Variants in MGRN1 observed in about 807,000 individuals in gnomAD.
MGRN1 encodes the protein mahogunin ring finger 1, also known as E3 ubiquitin-protein ligase MGRN1.
In MGRN1, 29 loss-of-function variants were observed where a neutral mutation model predicts 69.2. The observed-to-expected ratio is 0.42, with a 90% CI of 0.31 to 0.57. The LOEUF is 0.57. MGRN1 is among the 20% of genes least tolerant of loss of function. The pLI, the probability that MGRN1 is intolerant of heterozygous loss-of-function variation, is 0.15. For synonymous variants in MGRN1, 470 were observed against 344.2 expected, an observed-to-expected ratio of 1.37 and a Z score of -4.04; for missense variants, 998 against 796.2, an observed-to-expected ratio of 1.25 and a Z score of -3.05.
At chr16:4,675,405 C>T (rs1018106750) in intron 10 of MGRN1, among the ~76,000 whole-genome samples, 11 of 152,092 alleles carry the variant, frequency 7.2e-5, no homozygotes, top group Non-Finnish European at 1.6e-4. Flanking sequence ...ATGGCCAGCT[C>T]AGATCTTTAT....
rs141515748 is a variant in MGRN1, at chr16:4,683,946, G to T, written c.1618+14G>T. The T allele has an allele frequency of 6.4e-7, 1 of 1,559,462 alleles. No individual in the cohort carries two copies. ...TCTACCTGCCAGGTAAGGGGCTGGG[G>T]GTCTGGGGGTGAGGGGCTGGGTGCC... On this transcript the variant is annotated intron_variant, in intron 16 of 16. Coordinates refer to ENST00000262370, the MANE Select transcript of MGRN1 (RefSeq NM_015246.4).
At chr16:4,641,334 G>A (rs2078151971) in intron 1 of MGRN1, among the ~76,000 whole-genome samples, 1 of 151,334 alleles carries the variant, frequency 6.6e-6, no homozygotes, top group African/African-American at 2.5e-5. Flanking sequence ...CCATGTGTGA[G>A]CAATAGGATT....
intron 9 of MGRN1, chr16:4,672,520 A>G (rs1427485435): frequency 4.4e-6 from 2 of 452,358 alleles, no homozygotes; most frequent in Non-Finnish European, 8.9e-6. Context: ...CAGGGAAGTC[A>G]GTGCATTCAT....
At chr16:4,643,266 T>G (rs1245301799) in intron 1 of MGRN1, among the ~76,000 whole-genome samples, 1 of 152,038 alleles carries the variant, frequency 6.6e-6, no homozygotes, top group African/African-American at 2.4e-5. Flanking sequence ...GGACTAATTT[T>G]TGTATTTTTG....
intron 11 of MGRN1, among the ~76,000 whole-genome samples, chr16:4,679,134 CGCT>C (rs1422639492): frequency 2.0e-5 from 3 of 152,200 alleles, no homozygotes; most frequent in African/African-American, 7.2e-5. Context: ...GATTCGGAAA[CGCT>C]GCGTGTGCTC....
chr16:4,685,039 G>A (rs1348658372), intron 16 of MGRN1, among the ~76,000 whole-genome samples: 3 of 152,236 alleles, frequency 2.0e-5, no homozygotes, highest in Admixed American at 6.5e-5. Flanking sequence ...GTGACAGGTC[G>A]CAGGTGCAGG....
At position 4,642,917 on chromosome 16, in the gene MGRN1, C is replaced by T. The variant is rs1173264322; in HGVS notation, c.89-7448C>T. On this transcript the variant is annotated intron_variant, in intron 1 of 16. Coordinates refer to ENST00000262370, the MANE Select transcript of MGRN1 (RefSeq NM_015246.4). ...TCCTTCCACCTCAGCCTCCCGAGTA[C>T]CTTGGACTGCAAGTACGCATCACCG... Among the ~76,000 whole-genome samples, 3 of 151,740 alleles carry T rather than the reference C, an allele frequency of 2.0e-5. No individual in the cohort carries two copies. In the East Asian group the frequency reaches 5.8e-4, roughly 29 times the overall value.
At chr16:4,647,231 C>T (rs538593442) in intron 1 of MGRN1, among the ~76,000 whole-genome samples, 6 of 152,300 alleles carry the variant, frequency 3.9e-5, no homozygotes, top group South Asian at 4.1e-4. Context: ...GGCTCTGGGC[C>T]GGGCCCTGTC....
At chr16:4,634,340 T>G (rs1400477477) in intron 1 of MGRN1, 1 of 152,556 alleles carries the variant, frequency 6.6e-6, no homozygotes, top group Non-Finnish European at 1.5e-5. Context: ...TGGAAAATGT[T>G]CTGTATTTCC....
At chr16:4,629,813 AGGT>A in intron 1 of MGRN1, among the ~76,000 whole-genome samples, 1 of 151,458 alleles carries the variant, frequency 6.6e-6, no homozygotes, top group Non-Finnish European at 1.5e-5. Context: ...TGGGAGGCTG[AGGT>A]GGGCGGATCA....
Position 4,651,953 on chromosome 16 carries a change from T to G in MGRN1, c.208-10T>G. 6.2e-7 allele frequency: 1 copy of G among 1,613,792 alleles called. No homozygotes were observed. The highest frequency in any genetic ancestry group is 1.1e-5 in the South Asian group (1 of 91,078). ...GGGAGTCACCTGGGGCCCTGTGGTT[T>G]TTCTCCTAGTTTCCCTACGTCACTC... On this transcript the variant is annotated splice_polypyrimidine_tract_variant and intron_variant, in intron 2 of 16. Coordinates refer to ENST00000262370, the MANE Select transcript of MGRN1 (RefSeq NM_015246.4).
chr16:4,668,145 T>C, intron 7 of MGRN1, 120 bp from the exon 8 acceptor site: 1 of 677,006 alleles, frequency 1.5e-6, no homozygotes, highest in Non-Finnish European at 2.4e-6. Flanking sequence ...TTTTCTTTTT[T>C]CTTTTTCCAG....
At chr16:4,674,591 C>CTT (rs1293498329) in intron 10 of MGRN1, among the ~76,000 whole-genome samples, 1 of 84,226 alleles carries the variant, frequency 1.2e-5, no homozygotes, top group Non-Finnish European at 2.5e-5. Flanking sequence ...TTTTTTTTTT[C>CTT]TTTTCTTTTC....
chr16:4,687,511 T>TAA, intron 16 of MGRN1: 8 of 917,796 alleles, frequency 8.7e-6, no homozygotes, highest in Non-Finnish European at 9.0e-6. Context: ...GCTGTCTCAA[T>TAA]AAAAAAAAAT....
chr16:4,681,127 A>ACAGCT (rs1485521507), intron 12 of MGRN1, among the ~76,000 whole-genome samples: 1 of 152,148 alleles, frequency 6.6e-6, no homozygotes, highest in Non-Finnish European at 1.5e-5. Context: ...ACAGCTCCCA[A>ACAGCT]CAGCTCAGCT....
chr16:4,636,455 G>T (rs1898296714), intron 1 of MGRN1, among the ~76,000 whole-genome samples: 1 of 152,162 alleles, frequency 6.6e-6, no homozygotes, highest in Non-Finnish European at 1.5e-5. Context: ...CGGGCTCCGG[G>T]GGAGCTGGGG....
At chr16:4,668,879 CAT>C (rs2078873825) in intron 8 of MGRN1, among the ~76,000 whole-genome samples, 1 of 152,122 alleles carries the variant, frequency 6.6e-6, no homozygotes, top group Non-Finnish European at 1.5e-5. Flanking sequence ...TACTCATACA[CAT>C]ATACATAGAC....
At chr16:4,625,243 C>A (rs1355212844) in intron 1 of MGRN1, among the ~76,000 whole-genome samples, 195 bp downstream of exon 1, 2 of 152,190 alleles carry the variant, frequency 1.3e-5, no homozygotes, top group Non-Finnish European at 2.9e-5. Context: ...CTGCCCGAGC[C>A]GTACCTGGCG....
In MGRN1 at chr16:4,689,749, C is replaced by T. The variant is rs967784030; in HGVS notation, c.*841C>T. On this transcript the variant is annotated 3_prime_UTR_variant, in exon 17 of 17. Transcript: ENST00000262370. ...CATTCTCTTTTGCCATTGGAATGTC[C>T]CCTTGCAGTTCTCTTCTCTTTTTTT... 6.6e-6 allele frequency: 1 copy of T among 151,474 alleles called. No homozygotes were observed. Among genetic ancestry groups the T allele is most frequent in the Non-Finnish European group, 1.5e-5 (1 of 67,974 alleles). 9.4% of individuals were successfully genotyped at this position (151,474 alleles called of 1,614,324 possible). A position where few individuals can be genotyped will look rare whatever the true frequency, so the allele number is the denominator to read the frequency against.
Sources: allele counts gnomAD v4.1 joint callset (sites outside exome capture counted in the v4.1 genomes callset), GRCh38; gene constraint gnomAD v4.1.1; transcripts MANE v1.5; gene names NCBI Gene and HGNC (gene_info 2026-07-23, HGNC 2026-07-21).